The following RBM27 variants were observed in gnomAD, a reference collection of about 807,000 sequenced individuals.
The protein encoded by RBM27 is RNA binding motif protein 27.
In RBM27, 22 loss-of-function variants were observed where a neutral mutation model predicts 135.3. The observed-to-expected ratio is 0.16, with a 90% CI of 0.12 to 0.23. The LOEUF (loss-of-function observed/expected upper bound fraction) is 0.23, where lower values mean the gene tolerates loss of function less well. Among genes scored for constraint, RBM27 ranks in the 10% least tolerant of loss-of-function variants. RBM27 has a pLI of 1.00. For missense variants in RBM27, 1,009 were observed against 1,281.0 expected, an observed-to-expected ratio of 0.79 and a Z score of 3.24; for synonymous variants, 481 against 442.4, an observed-to-expected ratio of 1.09 and a Z score of -1.10.
At chr5:146,250,211 C>A (rs558286162) in intron 8 of RBM27, among the ~76,000 whole-genome samples, 7 of 151,922 alleles carry the variant, frequency 4.6e-5, no homozygotes, top group African/African-American at 1.7e-4. Context: ...GAGGCCGAGA[C>A]GGGCAGATCA....
intron 20 of RBM27, 43 bp downstream of exon 20, chr5:146,284,775 C>A (rs771525444): frequency 8.6e-7 from 1 of 1,168,948 alleles, no homozygotes; most frequent in Non-Finnish European, 1.3e-6. Flanking sequence ...TAGATCACTT[C>A]TCAATTATGT....
At chr5:146,241,888 A>G (rs529252875) in intron 8 of RBM27, among the ~76,000 whole-genome samples, 147 of 152,356 alleles carry the variant, frequency 9.6e-4, no homozygotes, top group African/African-American at 3.4e-3. Flanking sequence ...TTTTAAAAAT[A>G]TGTTTTTAAA....
chr5:146,233,822 T>A (rs1757051167), intron 7 of RBM27, 79 bp downstream of exon 7: 5 of 979,162 alleles, frequency 5.1e-6, no homozygotes, highest in Non-Finnish European at 7.0e-6. Flanking sequence ...TTGACACTCG[T>A]TTAAAGTGTT....
intron 11 of RBM27, 140 bp downstream of exon 11, chr5:146,258,733 A>G (rs1758228816): frequency 1.4e-6 from 1 of 697,830 alleles, no homozygotes; most frequent in African/African-American, 1.9e-5. Flanking sequence ...CATCTTTAGA[A>G]TGTTGTAAAA....
intron 18 of RBM27, 69 bp from the exon 19 acceptor site, chr5:146,271,414 A>T (rs1035032889): frequency 7.1e-7 from 1 of 1,407,038 alleles, no homozygotes; most frequent in East Asian, 2.3e-5. Context: ...AAAAAAAAAA[A>T]AGTTTTCCTT....
In RBM27 at chr5:146,232,224, A is replaced by G. The variant is rs965255271; in HGVS notation, c.851-1226A>G. ...CAGACATCATAATTTTTTTCTATAA[A>G]TACAGAATGCATACGTTTTTACATT... On this transcript the variant is annotated intron_variant, in intron 6 of 20. Coordinates refer to ENST00000265271, the MANE Select transcript of RBM27 (RefSeq NM_018989.2). 3.3e-5 allele frequency among the ~76,000 whole-genome samples: 5 copies of G among 152,190 alleles called. No individual in the cohort carries two copies. The South Asian group carries it at 8.3e-4, about 25-fold the overall frequency.
chr5:146,284,438 C>T (rs374821874), intron 19 of RBM27, among the ~76,000 whole-genome samples, 184 bp from the exon 20 acceptor site: 10 of 152,230 alleles, frequency 6.6e-5, no homozygotes, highest in African/African-American at 2.2e-4. Flanking sequence ...CTAGGCAAAC[C>T]AGAACATATA....
chr5:146,204,553 GT>G (rs1315916348), intron 1 of RBM27, among the ~76,000 whole-genome samples: 1 of 152,160 alleles, frequency 6.6e-6, no homozygotes, highest in East Asian at 1.9e-4. Flanking sequence ...GAAAAAAGAG[GT>G]TTCTGTAAGT....
At chr5:146,266,601 ATTATT>A (rs1293825627) in intron 14 of RBM27, among the ~76,000 whole-genome samples, 15 of 152,182 alleles carry the variant, frequency 9.9e-5, no homozygotes, top group Non-Finnish European at 2.1e-4. Context: ...ATTTCTTCAT[ATTATT>A]TTCTATATCT....
Position 146,286,004 on chromosome 5 carries a change from T to G in RBM27, c.3157T>G (p.Tyr1053Asp), listed in dbSNP as rs183136018. 166 of 1,610,514 alleles carry G rather than the reference T, an allele frequency of 1.0e-4. No homozygotes were observed. Among genetic ancestry groups the G allele is most frequent in the Admixed American group, 4.9e-4 (29 of 59,558 alleles). The change falls in exon 21 of 21, where the codon TAT (tyrosine) becomes GAT (aspartate). Residue 1053 changes from tyrosine (Y) to aspartate (D), a missense_variant. Coordinates refer to ENST00000265271, the MANE Select transcript of RBM27 (RefSeq NM_018989.2). ...PDDDDEDEDE[Y>D]ESRSWRR The stretch of plus-strand genomic sequence containing the variant: ...TGATGACGATGAAGATGAAGATGAA[T>G]ATGAGTCTCGCTCATGGCGAAGATG...
chr5:146,247,573 T>C (rs902570676), intron 8 of RBM27, among the ~76,000 whole-genome samples: 17 of 152,184 alleles, frequency 1.1e-4, no homozygotes, highest in African/African-American at 3.9e-4. Flanking sequence ...AAATAGATCA[T>C]TTGTCCTAAA....
chr5:146,281,965 A>G (rs1006423106), intron 19 of RBM27, among the ~76,000 whole-genome samples: 12 of 149,808 alleles, frequency 8.0e-5, no homozygotes, highest in African/African-American at 2.2e-4. Flanking sequence ...TTACTATATA[A>G]TAGTTGTATC....
intron 2 of RBM27, among the ~76,000 whole-genome samples, chr5:146,220,152 C>T (rs2126712398): frequency 6.6e-6 from 1 of 152,234 alleles, no homozygotes; most frequent in South Asian, 2.1e-4. Flanking sequence ...TTGGAACCTA[C>T]AGTACTTGGT....
rs140697495 is a variant in RBM27 at position 146,254,723 on chromosome 5, C to T, written c.1445-220C>T. ...ATTTACCTAGGTTATATGCAAATAC[C>T]ACCACCCTGTTTTATATCAAAGTCT... On this transcript the variant is annotated intron_variant, in intron 9 of 20. Coordinates refer to ENST00000265271, the MANE Select transcript of RBM27 (RefSeq NM_018989.2). Among the ~76,000 whole-genome samples the T allele has an allele frequency of 5.0e-3, 754 of 152,084 alleles. 6 individuals are homozygous for T. Among genetic ancestry groups the T allele is most frequent in the African/African-American group, 0.017 (723 of 41,492 alleles).
intron 8 of RBM27, among the ~76,000 whole-genome samples, chr5:146,242,760 A>AT (rs879862737): frequency 4.6e-5 from 7 of 150,646 alleles, no homozygotes; most frequent in African/African-American, 1.5e-4. Flanking sequence ...AGCCCGGCTA[A>AT]TTTTTTTTTG....
intron 17 of RBM27, among the ~76,000 whole-genome samples, chr5:146,270,707 G>T (rs1421710916): frequency 6.6e-5 from 10 of 152,040 alleles, no homozygotes; most frequent in Non-Finnish European, 1.3e-4. Flanking sequence ...CTCATCTCAG[G>T]TGTCTGTTCC....
chr5:146,208,920 G>A (rs6881180), intron 1 of RBM27, among the ~76,000 whole-genome samples: 57,434 of 151,890 alleles, frequency 0.38, 11,389 homozygotes, highest in African/African-American at 0.48. Flanking sequence ...CTCTTGGTGT[G>A]TGTTTTAAAA....
chr5:146,278,436 T>A (rs1759184647), intron 19 of RBM27, among the ~76,000 whole-genome samples: 1 of 152,188 alleles, frequency 6.6e-6, no homozygotes, highest in African/African-American at 2.4e-5. Context: ...CTCCAGTCAC[T>A]CAATTTCACT....
chr5:146,282,099 G>T (rs1043481659), intron 19 of RBM27, among the ~76,000 whole-genome samples: 14 of 150,944 alleles, frequency 9.3e-5, no homozygotes, highest in Non-Finnish European at 2.1e-4. Context: ...CACCTCATGG[G>T]TTCAAGCGAT....
Sources: allele counts gnomAD v4.1 joint callset (sites outside exome capture counted in the v4.1 genomes callset), GRCh38; gene constraint gnomAD v4.1.1; transcripts MANE v1.5; gene names NCBI Gene and HGNC (gene_info 2026-07-23, HGNC 2026-07-21).